TNNT1: variants seen among roughly 807,000 people sequenced by gnomAD.
TNNT1 encodes troponin T, slow skeletal muscle.
In TNNT1, 53 loss-of-function variants were observed where a neutral mutation model predicts 50.6. That is an observed-to-expected ratio of 1.05 (90% CI 0.84 to 1.32). The LOEUF is 1.32. Among genes scored for constraint, TNNT1 ranks in the 40% most tolerant of loss-of-function variants. TNNT1 has a pLI of 0.00. For synonymous variants in TNNT1, 142 were observed against 138.0 expected (o/e 1.03, Z -0.20); for missense variants, 348 against 381.7 (o/e 0.91, Z 0.74).
Position 55,132,756 on chromosome 19 carries a change from T to C in TNNT1, c.*159A>G, listed in dbSNP as rs1197379247. 1.4e-6 allele frequency: 1 copy of C among 704,686 alleles called. No individual in the cohort carries two copies. The highest frequency in any genetic ancestry group is 2.7e-5 in the East Asian group (1 of 36,870). The allele number at this position is 704,686 out of a possible 1,614,324, so 43.7% of individuals were successfully genotyped here. A position where few individuals can be genotyped will look rare whatever the true frequency, so the allele number is the denominator to read the frequency against. Reference sequence around the variant, plus strand: ...TGGTGACACTCTTTCAAGTAACTTGTTGGTAATAAGAAGTCAATTAACCAG... The same window carrying C: ...TGGTGACACTCTTTCAAGTAACTTGCTGGTAATAAGAAGTCAATTAACCAG... On this transcript the variant is annotated 3_prime_UTR_variant, in exon 14 of 14. Transcript: ENST00000588981.
chr19:55,139,050 A>C (rs188985372), intron 9 of TNNT1, among the ~76,000 whole-genome samples: 175 of 152,288 alleles, frequency 1.1e-3, no homozygotes, highest in African/African-American at 3.3e-3. Flanking sequence ...GCTGGAGTGC[A>C]GTGGTGCAAT....
At chr19:55,139,388 C>T (rs2085410954) in intron 9 of TNNT1, among the ~76,000 whole-genome samples, 1 of 152,202 alleles carries the variant, frequency 6.6e-6, no homozygotes, top group African/African-American at 2.4e-5. Context: ...GATCAGACAT[C>T]TGAAATTGGT....
At chr19:55,141,964 C>A (rs2085465192) in intron 6 of TNNT1, 44 bp from the exon 7 acceptor site, 1 of 1,598,418 alleles carries the variant, frequency 6.3e-7, no homozygotes, top group Non-Finnish European at 8.6e-7. Flanking sequence ...CCCGACCTCC[C>A]TGAGCCACCT....
intron 6 of TNNT1, among the ~76,000 whole-genome samples, chr19:55,143,502 G>GT (rs1294177527): frequency 6.6e-6 from 1 of 152,154 alleles, no homozygotes; most frequent in East Asian, 1.9e-4. Flanking sequence ...GAGGGAAGAG[G>GT]TGAGGACAAT....
intron 1 of TNNT1, 27 bp from the exon 2 acceptor site, chr19:55,147,195 T>TGGGGTG (rs2085576501): frequency 6.2e-7 from 1 of 1,610,312 alleles, no homozygotes; most frequent in African/African-American, 1.3e-5. Flanking sequence ...AGAGGCCCAG[T>TGGGGTG]GGGGTGGGGC....
At chr19:55,142,219 C>T (rs1386938176) in intron 6 of TNNT1, among the ~76,000 whole-genome samples, 6 of 151,330 alleles carry the variant, frequency 4.0e-5, no homozygotes, top group African/African-American at 1.5e-4. Context: ...CTCCTGGGTT[C>T]ACGCCATTCT....
intron 9 of TNNT1, among the ~76,000 whole-genome samples, chr19:55,139,936 C>A (rs1243193512): frequency 3.3e-5 from 5 of 151,120 alleles, no homozygotes; most frequent in African/African-American, 1.2e-4. Flanking sequence ...CAGCCTGAAC[C>A]AACATGGAGA....
chr19:55,148,877 C>G (rs555669920), intron 1 of TNNT1, among the ~76,000 whole-genome samples: 1 of 152,120 alleles, frequency 6.6e-6, no homozygotes, highest in East Asian at 1.9e-4. Flanking sequence ...GCTGAGATTT[C>G]CCCCAGATTC....
chr19:55,134,126 G>GA lies in TNNT1; in HGVS notation c.689dup (p.His231ProfsTer6). 1 of 1,610,690 alleles carries GA rather than the reference G, an allele frequency of 6.2e-7. No individual in the cohort carries two copies. Among genetic ancestry groups the GA allele is most frequent in the Non-Finnish European group, 8.5e-7 (1 of 1,178,924 alleles). On this transcript the variant is annotated frameshift_variant, in exon 12 of 14. Coordinates refer to ENST00000588981, the MANE Select transcript of TNNT1 (RefSeq NM_003283.6). LOFTEE classifies it high-confidence loss of function. ...CGAACTTCTCAGACTCCAGCTGGTGGATCCAGTCCGACAGCTCCTGGGCTT... is the reference window on the plus strand; with the variant it reads ...CGAACTTCTCAGACTCCAGCTGGTGGAATCCAGTCCGACAGCTCCTGGGCTT...
chr19:55,144,668 C>A (rs977449748), intron 6 of TNNT1, among the ~76,000 whole-genome samples: 1 of 152,192 alleles, frequency 6.6e-6, no homozygotes, highest in African/African-American at 2.4e-5. Flanking sequence ...ACAGTGTGTG[C>A]AAAGGCTCAG....
intron 6 of TNNT1, among the ~76,000 whole-genome samples, chr19:55,142,894 T>C (rs1274434895): frequency 6.7e-6 from 1 of 149,706 alleles, no homozygotes; most frequent in Non-Finnish European, 1.5e-5. Context: ...CTGGGCGCGG[T>C]GGCTCACGCC....
intron 3 of TNNT1, 29 bp downstream of exon 3, chr19:55,146,979 C>A: frequency 1.3e-6 from 2 of 1,590,792 alleles, no homozygotes; most frequent in Non-Finnish European, 1.7e-6. Flanking sequence ...GTGTCCCCAT[C>A]CCATAGGGCC....
intron 13 of TNNT1, 155 bp downstream of exon 13, chr19:55,133,732 C>T (rs527394361): frequency 8.5e-5 from 71 of 836,068 alleles, no homozygotes; most frequent in Middle Eastern, 4.9e-4. Flanking sequence ...CCCAGGATTC[C>T]GAGAGCAGAG....
intron 9 of TNNT1, among the ~76,000 whole-genome samples, chr19:55,138,752 G>A (rs1363136227): frequency 1.3e-5 from 2 of 152,230 alleles, no homozygotes; most frequent in African/African-American, 4.8e-5. Context: ...CTCAGGATAT[G>A]AGAATGTCTG....
rs1444662932 is a variant in TNNT1, at chr19:55,134,079, T to A, written c.737A>T (p.Gln246Leu). Residue 246 changes from glutamine (Q) to leucine (L), a missense_variant, in exon 12 of 14, where the codon CAG (glutamine) becomes CTG (leucine). Gln to Leu is a moderately radical substitution (Grantham distance 113). Transcript: ENST00000588981. ...GCTGGGTCTCACCTCATATTTCTGCTGTTTCAGCTTCGCCATCAGGTCGAA... is the reference window on the plus strand; with the variant it reads ...GCTGGGTCTCACCTCATATTTCTGCAGTTTCAGCTTCGCCATCAGGTCGAA... ...EKFDLMAKLKQQKYEINVLYN... is the reference protein window; with the variant it reads ...EKFDLMAKLKLQKYEINVLYN... The A allele has an allele frequency of 1.2e-6, 2 of 1,613,124 alleles. No homozygotes were observed. The highest frequency in any genetic ancestry group is 2.2e-5 in the South Asian group (2 of 90,900).
In TNNT1 at chr19:55,141,776, G is replaced by A. The variant is rs567055737; in HGVS notation, c.192+81C>T. 2.2e-4 allele frequency: 341 copies of A among 1,552,442 alleles called. No homozygotes were observed. In the African/African-American group the frequency reaches 4.3e-3, roughly 20 times the overall value. The stretch of plus-strand genomic sequence containing the variant: ...ATTACAGGCATGAGGCCCCGCGCCC[G>A]GCCGGCGCCTTTTCATGATTGACAC... On this transcript the variant is annotated intron_variant, in intron 7 of 13. Transcript: ENST00000588981.
chr19:55,141,160 G>A (rs112398263), intron 8 of TNNT1, 26 bp downstream of exon 8: 3 of 1,586,126 alleles, frequency 1.9e-6, no homozygotes, highest in Non-Finnish European at 1.7e-6. Flanking sequence ...GAGGAAGACC[G>A]GGGGGAACCC....
chr19:55,147,503 G>T (rs1471185852), intron 1 of TNNT1, among the ~76,000 whole-genome samples: 1 of 144,118 alleles, frequency 6.9e-6, no homozygotes, highest in Admixed American at 6.9e-5. Context: ...GGACTTCTGG[G>T]TCTGAGGGAG....
In TNNT1 at chr19:55,137,008, C is replaced by T. The variant is rs1168198207; in HGVS notation, c.611+95G>A. On this transcript the variant is annotated intron_variant, in intron 11 of 13. Transcript: ENST00000588981. ...AGTCACATAGCACTGGAGCTGAGAC[C>T]CGGAGTATCTGCCCACCCAGATCTG... 2.8e-5 allele frequency: 22 copies of T among 776,082 alleles called. No homozygotes were observed. In the East Asian group the frequency reaches 5.9e-4, roughly 21 times the overall value. The allele number at this position is 776,082 out of a possible 1,614,324, so 48.1% of individuals were successfully genotyped here.
Sources: allele counts gnomAD v4.1 joint callset (sites outside exome capture counted in the v4.1 genomes callset), GRCh38; gene constraint gnomAD v4.1.1; transcripts MANE v1.5; gene names NCBI Gene and HGNC (gene_info 2026-07-23, HGNC 2026-07-21).